ANO9: variants seen among roughly 807,000 people sequenced by gnomAD.
The protein encoded by ANO9 is anoctamin-9.
ANO9 carries 80 observed loss-of-function variants against 100.5 expected under a neutral mutation model. The ratio of observed to expected loss-of-function variants is 0.80; its 90% CI spans 0.66 to 0.96. The LOEUF is 0.96. Among genes scored for constraint, ANO9 ranks in the 40% least tolerant of loss-of-function variants. The probability of loss-of-function intolerance (pLI) is 0.00; values close to 1 mark genes in which losing one functional copy is unlikely to be tolerated. For synonymous variants in ANO9, 473 were observed against 435.6 expected, an observed-to-expected ratio of 1.09 and a Z score of -1.07; for missense variants, 1,064 against 1,072.7, an observed-to-expected ratio of 0.99 and a Z score of 0.11.
chr11:418,648 C>T, intron 22 of ANO9, 59 bp from the exon 23 acceptor site: 1 of 1,610,714 alleles, frequency 6.2e-7, no homozygotes, highest in South Asian at 1.1e-5. Context: ...TTTGGGGGTT[C>T]AGGGCCGGGG....
At chr11:428,274 C>T in intron 14 of ANO9, 75 bp from the exon 15 acceptor site, 2 of 1,607,224 alleles carry the variant, frequency 1.2e-6, no homozygotes, top group Non-Finnish European at 1.7e-6. Flanking sequence ...GGTCCCCTCC[C>T]CTGCTCTCTG....
Position 428,603 on chromosome 11 carries a change from C to A in ANO9, c.1057G>T (p.Val353Phe), listed in dbSNP as rs752052001. The change falls in exon 13 of 23, where the codon GTC becomes TTC. Residue 353 changes from valine (V) to phenylalanine (F), a missense_variant. Val to Phe is a conservative substitution (Grantham distance 50). Coordinates refer to ENST00000332826, the MANE Select transcript of ANO9 (RefSeq NM_001012302.3). The stretch of plus-strand genomic sequence containing the variant: ...AGCGCGGAGGCCAGGACGCGGTAGA[C>A]CACCAGGACGTGGGCCATGCCGATC... ...LMIGMAHVLV[V>F]YRVLASALFS... The A allele has an allele frequency of 6.8e-6, 11 of 1,612,280 alleles. No homozygotes were observed. Among genetic ancestry groups the A allele is most frequent in the African/African-American group, 1.3e-5 (1 of 74,922 alleles).
rs919861437 is a variant in ANO9 at position 433,712 on chromosome 11, G to T, written c.204+103C>A. On this transcript the variant is annotated intron_variant, in intron 3 of 22. Transcript: ENST00000332826. ...CCGTGCCGCCATGACCGGCCCCACA[G>T]CCCTGCCCCTCGCTGGGCACCCGCC... 4.3e-5 allele frequency: 64 copies of T among 1,472,022 alleles called. No homozygotes were observed. In the African/African-American group the frequency reaches 8.3e-4, roughly 19 times the overall value. The allele number at this position is 1,472,022 out of a possible 1,614,324, so 91.2% of individuals were successfully genotyped here. A position where few individuals can be genotyped will look rare whatever the true frequency, so the allele number is the denominator to read the frequency against.
intron 1 of ANO9, among the ~76,000 whole-genome samples, chr11:437,057 G>GC (rs1845395717): frequency 6.8e-6 from 1 of 147,496 alleles, no homozygotes; most frequent in African/African-American, 2.5e-5. Context: ...TGGGGGGTGA[G>GC]CTGGGGGTGA....
chr11:419,292 C>G, intron 20 of ANO9: 1 of 1,408,720 alleles, frequency 7.1e-7, no homozygotes, highest in Non-Finnish European at 9.2e-7. Flanking sequence ...AGAGGACATG[C>G]GGAACCTCAC....
At chr11:441,868 T>C (rs934967068) in intron 1 of ANO9, 53 bp downstream of exon 1, 1 of 1,591,124 alleles carries the variant, frequency 6.3e-7, no homozygotes, top group East Asian at 2.3e-5. Flanking sequence ...GCCCCAGGTG[T>C]GGGCGTGGCT....
intron 19 of ANO9, chr11:420,112 C>G (rs1214723007): frequency 5.3e-6 from 7 of 1,321,832 alleles, no homozygotes; most frequent in Non-Finnish European, 6.8e-6. Context: ...CAGCTCCCGT[C>G]GCTCCCCTGC....
chr11:419,644 GA>G lies in ANO9; in HGVS notation c.1871del (p.Ile624ThrfsTer14). 1 of 1,613,574 alleles carries G rather than the reference GA, an allele frequency of 6.2e-7. No individual in the cohort carries two copies. The highest frequency in any genetic ancestry group is 8.5e-7 in the Non-Finnish European group (1 of 1,179,914). On this transcript the variant is annotated frameshift_variant, in exon 20 of 23. Transcript: ENST00000332826. LOFTEE classifies it high-confidence loss of function. ...GMVIAFTSEF[I>X]PRVVYKYRYS... ...AGCGGTACTTGTAGACCACTCGGGG[GA>G]TGAACTCAGATGTGAAGGCAATGAC...
At position 422,141 on chromosome 11, in the gene ANO9, C is replaced by T. The variant is rs1012328164; in HGVS notation, c.1335-943G>A. Among the ~76,000 whole-genome samples, 25 of 152,166 alleles carry T rather than the reference C, an allele frequency of 1.6e-4. 1 individual carries two copies. Among genetic ancestry groups the T allele is most frequent in the Middle Eastern group, 6.3e-3 (2 of 316 alleles). Reference sequence around the variant, plus strand: ...ATGGCATGAGAAAGTATCGGTCACCCGCAGACACCAGCACAAGTTATACCA... The same window carrying T: ...ATGGCATGAGAAAGTATCGGTCACCTGCAGACACCAGCACAAGTTATACCA... On this transcript the variant is annotated intron_variant, in intron 15 of 22. Coordinates refer to ENST00000332826, the MANE Select transcript of ANO9 (RefSeq NM_001012302.3). The surrounding 1 kb of genome is among the most constrained non-coding windows in gnomAD (Gnocchi z 4.3).
In ANO9 at chr11:432,212, CG is replaced by C. The variant is rs1849069328; in HGVS notation, c.351-159del. 2 of 756,692 alleles carry C rather than the reference CG, an allele frequency of 2.6e-6. No individual in the cohort carries two copies. Among genetic ancestry groups the C allele is most frequent in the Non-Finnish European group, 4.3e-6 (2 of 468,502 alleles). The allele number at this position is 756,692 out of a possible 1,614,324, so 46.9% of individuals were successfully genotyped here. ...CAGAGCCCAGAATCCACAACTCACC[CG>C]GGAGCCCACCCCGCACCCTCCTTAA... On this transcript the variant is annotated intron_variant, in intron 4 of 22. Coordinates refer to ENST00000332826, the MANE Select transcript of ANO9 (RefSeq NM_001012302.3). This position sits in a 1 kb window ranked among gnomAD's most constrained non-coding sequence, Gnocchi z 4.8.
At chr11:434,231 C>T (rs912188169) in intron 1 of ANO9, 133 bp from the exon 2 acceptor site, 9 of 1,078,522 alleles carry the variant, frequency 8.3e-6, no homozygotes, top group Admixed American at 5.2e-5. Context: ...CAAAGAGTCC[C>T]GAGGAGATGG....
Position 434,129 on chromosome 11 carries a change from G to C in ANO9, c.7-31C>G, listed in dbSNP as rs1590505631. On this transcript the variant is annotated intron_variant, in intron 1 of 22. Transcript: ENST00000332826. ...GGTTTGGGGGCAGAGAAAGGGATAG[G>C]AGGATGTGATTGGGGGCTAGATGCC... 9.0e-6 allele frequency: 14 copies of C among 1,547,924 alleles called. No individual in the cohort carries two copies. The East Asian group carries it at 3.4e-4, about 38-fold the overall frequency.
At chr11:419,195 C>T (rs944216761) in intron 20 of ANO9, 127 of 1,431,432 alleles carry the variant, frequency 8.9e-5, no homozygotes, top group Middle Eastern at 5.2e-4. Flanking sequence ...TGGGCATCAC[C>T]AGCCACTTTC....
rs1243960658 is a variant in ANO9, at chr11:430,160, G to C, written c.694C>G (p.His232Asp). The C allele has an allele frequency of 6.4e-7, 1 of 1,552,570 alleles. No homozygotes were observed. Among genetic ancestry groups the C allele is most frequent in the Admixed American group, 1.9e-5 (1 of 51,548 alleles). ...SQISKEICEAHDILMCPLGDH... is the reference protein window; with the variant it reads ...SQISKEICEADDILMCPLGDH... The stretch of plus-strand genomic sequence containing the variant: ...CCGAGGGGACACATGAGGATGTCGT[G>C]GGCCTCACAGATCTCCTTGCTGAAG... Residue 232 changes from histidine to aspartate, a missense_variant, in exon 9 of 23, where the codon CAC (histidine) becomes GAC (aspartate). By Grantham distance (81) the His-to-Asp change is moderately conservative. Transcript: ENST00000332826.
intron 3 of ANO9, 44 bp from the exon 4 acceptor site, chr11:433,503 C>CCCTCTATTCCACCTCA: frequency 1.9e-6 from 3 of 1,590,562 alleles, no homozygotes; most frequent in Non-Finnish European, 2.6e-6. Context: ...GAACCCTCCC[C>CCCTCTATTCCACCTCA]GCTCTATCCC....
chr11:419,572 G>A lies in ANO9; in HGVS notation c.1934+10C>T, dbSNP rs1190165266. On this transcript the variant is annotated intron_variant, in intron 20 of 22. Coordinates refer to ENST00000332826, the MANE Select transcript of ANO9 (RefSeq NM_001012302.3). Reference sequence around the variant, plus strand: ...TCTCCCAGGGGTCTCCAGACACCCTGAGGCCTTACTCGACAGTAGAGTTGC... The same window carrying A: ...TCTCCCAGGGGTCTCCAGACACCCTAAGGCCTTACTCGACAGTAGAGTTGC... 3.7e-6 allele frequency: 6 copies of A among 1,612,872 alleles called. No homozygotes were observed. The highest frequency in any genetic ancestry group is 3.3e-5 in the South Asian group (3 of 91,034).
At chr11:433,705 C>T in intron 3 of ANO9, 110 bp downstream of exon 3, 2 of 1,457,878 alleles carry the variant, frequency 1.4e-6, no homozygotes, top group Non-Finnish European at 1.8e-6. Flanking sequence ...CCATGACCGG[C>T]CCCACAGCCC....
At chr11:433,521 A>G in intron 3 of ANO9, 62 bp from the exon 4 acceptor site, 1 of 1,550,084 alleles carries the variant, frequency 6.5e-7, no homozygotes, top group Non-Finnish European at 8.8e-7. Flanking sequence ...CCCGCCTCAG[A>G]ACCCTCCCCC....
intron 15 of ANO9, among the ~76,000 whole-genome samples, chr11:427,209 G>T (rs1480689066): frequency 1.3e-5 from 2 of 152,162 alleles, no homozygotes; most frequent in Non-Finnish European, 2.9e-5. Flanking sequence ...AATTAGCTGG[G>T]TGTGGTGGTG....
Sources: gnomAD v4.1 joint callset for allele counts (sites outside exome capture counted in the v4.1 genomes callset) on GRCh38, gnomAD v4.1.1 for gene constraint, Gnocchi (gnomAD v3.1) non-coding constraint, MANE v1.5 for transcripts, NCBI Gene and HGNC (gene_info 2026-07-23, HGNC 2026-07-21) for gene names.